The following IL31RA variants were observed in gnomAD, a reference collection of about 807,000 sequenced individuals.
The protein encoded by IL31RA is interleukin-31 receptor subunit alpha.
Under a neutral mutation model 83.7 loss-of-function variants are expected in IL31RA, and 66 were observed. That is an observed-to-expected ratio of 0.79 (90% CI 0.65 to 0.97). The LOEUF is 0.97. IL31RA is among the 50% of genes least tolerant of loss of function. The pLI is 0.00. For missense variants in IL31RA, 798 were observed against 919.4 expected, an observed-to-expected ratio of 0.87 and a Z score of 1.71; for synonymous variants, 325 against 329.0, an observed-to-expected ratio of 0.99 and a Z score of 0.13.
At chr5:55,875,262 G>A (rs920197062) in intron 4 of IL31RA, among the ~76,000 whole-genome samples, 2 of 152,052 alleles carry the variant, frequency 1.3e-5, no homozygotes, top group Non-Finnish European at 2.9e-5. Context: ...GCTGAATTTG[G>A]ATTCCTGGTT....
intron 7 of IL31RA, among the ~76,000 whole-genome samples, chr5:55,898,248 A>G (rs1748550913): frequency 6.6e-6 from 1 of 152,136 alleles, no homozygotes; most frequent in Non-Finnish European, 1.5e-5. Context: ...CAGCTTGCGA[A>G]GTAGAGAAGA....
rs1580636820 is a variant in IL31RA, at chr5:55,851,390, A to C, written c.-181A>C. ...CTTCTGCTTAGGAACACCAGACAGC[A>C]CTCCAGCACTCTGCTTGGGGGGCAT... is the stretch of plus-strand genomic sequence containing the variant. On this transcript the variant is annotated 5_prime_UTR_variant, in exon 1 of 15. Transcript: ENST00000652347. 1.0e-6 allele frequency: 1 copy of C among 991,800 alleles called. No homozygotes were observed. Among genetic ancestry groups the C allele is most frequent in the East Asian group, 2.6e-5 (1 of 37,972 alleles). The allele number at this position is 991,800 out of a possible 1,614,324, so 61.4% of individuals were successfully genotyped here.
intron 4 of IL31RA, among the ~76,000 whole-genome samples, chr5:55,880,397 A>G (rs1258225311): frequency 6.6e-6 from 1 of 152,202 alleles, no homozygotes; most frequent in Non-Finnish European, 1.5e-5. Flanking sequence ...TGATGTGATT[A>G]TTTTACATTG....
intron 7 of IL31RA, among the ~76,000 whole-genome samples, chr5:55,897,756 A>G (rs1462865965): frequency 6.6e-6 from 1 of 152,144 alleles, no homozygotes; most frequent in Non-Finnish European, 1.5e-5. Flanking sequence ...GAAAAGGAAA[A>G]GGGCAGATGG....
At chr5:55,890,288 TTG>T (rs1400181547) in intron 6 of IL31RA, among the ~76,000 whole-genome samples, 153 bp downstream of exon 6, 7 of 152,198 alleles carry the variant, frequency 4.6e-5, no homozygotes, top group African/African-American at 1.4e-4. Context: ...CTGCACAACT[TTG>T]TGCCCCAAAG....
At chr5:55,867,944 T>C (rs1283237386) in intron 2 of IL31RA, among the ~76,000 whole-genome samples, 1 of 152,200 alleles carries the variant, frequency 6.6e-6, no homozygotes, top group Non-Finnish European at 1.5e-5. Flanking sequence ...TTCTGGGAGA[T>C]ACAATTCAAG....
Position 55,883,201 on chromosome 5 carries a change from T to A in IL31RA, c.606+6T>A. The A allele has an allele frequency of 6.2e-7, 1 of 1,607,926 alleles. No individual in the cohort carries two copies. Among genetic ancestry groups the A allele is most frequent in the Non-Finnish European group, 8.5e-7 (1 of 1,174,790 alleles). ...CAGTCAACAGTACCAGCTGGGTAAG[T>A]TATGCCATTATAATAATATTCCAAT... On this transcript the variant is annotated splice_donor_region_variant and intron_variant, in intron 5 of 14. Transcript: ENST00000652347.
At chr5:55,893,900 C>G (rs1367272938) in intron 6 of IL31RA, among the ~76,000 whole-genome samples, 1 of 150,928 alleles carries the variant, frequency 6.6e-6, no homozygotes, top group African/African-American at 2.4e-5. Context: ...CAGCCTCCGC[C>G]TCCCAGGCTC....
chr5:55,871,323 A>G (rs369489341), intron 3 of IL31RA, among the ~76,000 whole-genome samples: 1 of 152,168 alleles, frequency 6.6e-6, no homozygotes, highest in Non-Finnish European at 1.5e-5. Context: ...CTATGTGTCT[A>G]TGTCTCCCTG....
chr5:55,888,384 C>T (rs771781917), intron 5 of IL31RA, among the ~76,000 whole-genome samples: 3 of 152,072 alleles, frequency 2.0e-5, no homozygotes, highest in East Asian at 3.9e-4. Context: ...TCTCTGAGGC[C>T]GGGGCTGGGA....
At chr5:55,893,589 C>A in intron 6 of IL31RA, among the ~76,000 whole-genome samples, 1 of 152,040 alleles carries the variant, frequency 6.6e-6, no homozygotes, top group South Asian at 2.1e-4. Flanking sequence ...GATCAATTTA[C>A]GGTTAATGGA....
At chr5:55,843,395 C>T in the IL31RA span, among the ~76,000 whole-genome samples, 2 of 152,040 alleles carry the variant, frequency 1.3e-5, no homozygotes, top group Non-Finnish European at 2.9e-5. Context: ...GGAAATATGT[C>T]CTCCACTCCC....
rs1032814268 is a variant in IL31RA at position 55,902,394 on chromosome 5, C to T, written c.1069+2262C>T. ...TAATCCCAGCACTTTGAGGCCAAGA[C>T]GGGTGGATCGCTGAGTTCAGGAGTT... On this transcript the variant is annotated intron_variant, in intron 8 of 14. Coordinates refer to ENST00000652347, the MANE Select transcript of IL31RA (RefSeq NM_139017.7). 12 of 143,844 alleles carry T rather than the reference C, an allele frequency of 8.3e-5. No homozygotes were observed. In the South Asian group the frequency reaches 8.6e-4, roughly 10 times the overall value. 8.9% of individuals were successfully genotyped at this position (143,844 alleles called of 1,614,324 possible). A position where few individuals can be genotyped will look rare whatever the true frequency, so the allele number is the denominator to read the frequency against.
intron 2 of IL31RA, among the ~76,000 whole-genome samples, chr5:55,865,494 A>G (rs1313760643): frequency 6.6e-6 from 1 of 152,158 alleles, no homozygotes; most frequent in Non-Finnish European, 1.5e-5. Context: ...AAATACATGA[A>G]TGTATATACA....
At chr5:55,895,755 C>G (rs1336029062) in intron 6 of IL31RA, among the ~76,000 whole-genome samples, 2 of 152,132 alleles carry the variant, frequency 1.3e-5, no homozygotes. Context: ...ATATGAATTT[C>G]TAGGTTTCCT....
the IL31RA span, among the ~76,000 whole-genome samples, chr5:55,844,731 G>A: frequency 1.6e-5 from 2 of 125,592 alleles, no homozygotes; most frequent in South Asian, 6.0e-4. Flanking sequence ...TCCCTTTCTG[G>A]TATTCCCATT....
chr5:55,869,405 G>C (rs1189586245), intron 3 of IL31RA, among the ~76,000 whole-genome samples: 1 of 152,040 alleles, frequency 6.6e-6, no homozygotes. Context: ...TCTGTAGAAT[G>C]AAAATTTTAT....
rs368882406 is a variant in IL31RA, at chr5:55,911,493, G to GT, written c.1642+829dup. Among the ~76,000 whole-genome samples the GT allele has an allele frequency of 6.8e-3, 1,037 of 151,900 alleles. 18 individuals carry two copies. The highest frequency in any genetic ancestry group is 0.02 in the African/African-American group (835 of 41,406). On this transcript the variant is annotated intron_variant, in intron 12 of 14. Coordinates refer to ENST00000652347, the MANE Select transcript of IL31RA (RefSeq NM_139017.7). ...GGGCTTAACCTCATCATTTGTGGAG[G>GT]TTTTTTTTGAGCAAAAAGACATATG... is the stretch of plus-strand genomic sequence containing the variant.
At position 55,917,106 on chromosome 5, in the gene IL31RA, A is replaced by G; in HGVS notation, c.2281A>G (p.Lys761Glu). 6.2e-7 allele frequency: 1 copy of G among 1,614,150 alleles called. No homozygotes were observed. The highest frequency in any genetic ancestry group is 1.1e-5 in the South Asian group (1 of 91,078). The change falls in exon 15 of 15, where the codon AAG (lysine) becomes GAG (glutamate). Residue 761 changes from lysine (K) to glutamate (E), a missense_variant. Lys to Glu is a moderately conservative substitution (Grantham distance 56). Transcript: ENST00000652347. ...LVSEKLPEHTKGEV is the reference protein window; with the variant it reads ...LVSEKLPEHTEGEV ...GTCTGAAAAACTTCCAGAGCACACC[A>G]AGGGAGAAGTCTAAATGCGACCATA...
Sources: gnomAD v4.1 joint callset for allele counts (sites outside exome capture counted in the v4.1 genomes callset) on GRCh38, gnomAD v4.1.1 for gene constraint, MANE v1.5 for transcripts, NCBI Gene and HGNC (gene_info 2026-07-23, HGNC 2026-07-21) for gene names.